Variants in SGK1 observed in about 807,000 individuals in gnomAD.
SGK1 encodes serum/glucocorticoid regulated kinase 1.
Under a neutral mutation model 64.2 loss-of-function variants are expected in SGK1, and 26 were observed. The ratio of observed to expected loss-of-function variants is 0.40; its 90% CI spans 0.30 to 0.56. SGK1 has a LOEUF of 0.56. Ranked by LOEUF, SGK1 falls within the 20% of genes least tolerant of loss-of-function variation. The probability of loss-of-function intolerance (pLI) is 0.38; values close to 1 mark genes in which losing one functional copy is unlikely to be tolerated. For missense variants in SGK1, 519 were observed against 645.6 expected (o/e 0.80, Z 2.12); for synonymous variants, 265 against 239.7 (o/e 1.11, Z -0.98).
chr6:134,233,406 G>GA (rs1776319323), intron 2 of SGK1, among the ~76,000 whole-genome samples: 1 of 152,130 alleles, frequency 6.6e-6, no homozygotes, highest in African/African-American at 2.4e-5. Flanking sequence ...TCCCTTCTGA[G>GA]GATTCTCCTT....
chr6:134,170,409 A>C lies in SGK1; in HGVS notation c.1440T>G (p.Phe480Leu). The change falls in exon 14 of 14, where the codon TTT becomes TTG. Residue 480 changes from phenylalanine (F) to leucine (L), a missense_variant. By Grantham distance (22) the Phe-to-Leu change is conservative. Around this residue, in one of 2 missense-constraint regions of SGK1, gnomAD observed 278 missense variants for 408.7 expected, o/e 0.68. Transcript: ENST00000367858. ...CAGGCTCTTCGGTAAACTCGGGGTC[A>C]AAGTGCCGTAGGTCGTTGGGCCCAC... ...NVSGPNDLRH[F>L]DPEFTEEPVP... 1 of 1,613,760 alleles carries C rather than the reference A, an allele frequency of 6.2e-7. No individual in the cohort carries two copies. The highest frequency in any genetic ancestry group is 8.5e-7 in the Non-Finnish European group (1 of 1,179,714).
chr6:134,252,530 T>C lies in SGK1; in HGVS notation c.285+9403A>G, dbSNP rs552870740. ...AAGAAACAAATCTGGTTCATTTTTG[T>C]AAATTTAACAACCGAGACTCAGATT... On this transcript the variant is annotated intron_variant, in intron 2 of 13. Coordinates refer to ENST00000367858, the MANE Select transcript of SGK1 (RefSeq NM_001143676.3). Among the ~76,000 whole-genome samples, 4 of 131,522 alleles carry C rather than the reference T, an allele frequency of 3.0e-5. No individual in the cohort carries two copies. In the Admixed American group the frequency reaches 3.7e-4, roughly 12 times the overall value. The allele number at this position is 131,522 out of a possible 152,430, so 86.3% of individuals were successfully genotyped here. A position where few individuals can be genotyped will look rare whatever the true frequency, so the allele number is the denominator to read the frequency against.
intron 2 of SGK1, among the ~76,000 whole-genome samples, chr6:134,249,050 T>C (rs1334766721): frequency 6.6e-6 from 1 of 152,196 alleles, no homozygotes; most frequent in Non-Finnish European, 1.5e-5. Context: ...GAGTTAATAT[T>C]ATGCTTTCCC....
intron 1 of SGK1, chr6:134,297,377 G>T (rs1244617117): frequency 1.2e-5 from 10 of 846,680 alleles, no homozygotes; most frequent in Non-Finnish European, 1.8e-5. Flanking sequence ...GCTTGGCGTT[G>T]GCATCCTTAA....
intron 2 of SGK1, among the ~76,000 whole-genome samples, chr6:134,221,431 C>T (rs1320203681): frequency 6.6e-6 from 1 of 152,186 alleles, no homozygotes; most frequent in Non-Finnish European, 1.5e-5. Flanking sequence ...ATGTTCTTTG[C>T]CTAGCCTTCC....
intron 1 of SGK1, among the ~76,000 whole-genome samples, chr6:134,267,901 T>C (rs1260612434): frequency 1.3e-5 from 2 of 152,210 alleles, no homozygotes; most frequent in Non-Finnish European, 2.9e-5. Flanking sequence ...TAAAAAGGTT[T>C]TGTCTCCATT....
rs545897333 is a variant in SGK1, at chr6:134,254,378, A to G, written c.285+7555T>C. Among the ~76,000 whole-genome samples, 16 of 152,072 alleles carry G rather than the reference A, an allele frequency of 1.1e-4. No homozygotes were observed. The East Asian group carries it at 3.1e-3, about 29-fold the overall frequency. Reference sequence around the variant, plus strand: ...TGGGAGCATAAATATTGTGTTTTCCATTTTCCTCCAAGTGCCTTTATTTGT... The same window carrying G: ...TGGGAGCATAAATATTGTGTTTTCCGTTTTCCTCCAAGTGCCTTTATTTGT... On this transcript the variant is annotated intron_variant, in intron 2 of 13. Coordinates refer to ENST00000367858, the MANE Select transcript of SGK1 (RefSeq NM_001143676.3).
chr6:134,291,338 C>G (rs528545580), intron 1 of SGK1, among the ~76,000 whole-genome samples: 1 of 152,058 alleles, frequency 6.6e-6, no homozygotes, highest in Non-Finnish European at 1.5e-5. Context: ...CCCAACAGAC[C>G]GGACTAAAAA....
intron 2 of SGK1, among the ~76,000 whole-genome samples, chr6:134,234,577 G>A (rs564695252): frequency 1.0e-3 from 153 of 152,108 alleles, no homozygotes; most frequent in African/African-American, 3.3e-3. Flanking sequence ...TGGAATTCAC[G>A]TTTAAAGACT....
rs917168890 is a variant in SGK1, at chr6:134,269,113, T to C, written c.70-6965A>G. Among the ~76,000 whole-genome samples the C allele has an allele frequency of 2.0e-5, 3 of 147,504 alleles. No homozygotes were observed. In the Admixed American group the frequency reaches 2.1e-4, roughly 10 times the overall value. ...TAATTTAAAATAGTTTAGCTGATAA[T>C]GATATCAACCGATACAGGAAAATTA... On this transcript the variant is annotated intron_variant, in intron 1 of 13. Transcript: ENST00000367858.
At chr6:134,298,843 C>A in intron 1 of SGK1, 1 of 245,296 alleles carries the variant, frequency 4.1e-6, no homozygotes, top group East Asian at 7.2e-5. Context: ...CTCCGTCGCC[C>A]AGGCTGGAGT....
chr6:134,206,485 A>T (rs1463412491), intron 3 of SGK1, among the ~76,000 whole-genome samples: 1 of 148,994 alleles, frequency 6.7e-6, no homozygotes, highest in Non-Finnish European at 1.5e-5. Flanking sequence ...ATGAAAACCC[A>T]ATCATCACAC....
intron 1 of SGK1, among the ~76,000 whole-genome samples, chr6:134,271,328 T>C (rs565596409): frequency 1.5e-5 from 2 of 130,630 alleles, no homozygotes; most frequent in African/African-American, 5.0e-5. Flanking sequence ...AAAAAAAAAT[T>C]GTGGGACTCA....
chr6:134,285,648 T>G (rs1465431769), intron 1 of SGK1, among the ~76,000 whole-genome samples: 1 of 152,078 alleles, frequency 6.6e-6, no homozygotes, highest in Non-Finnish European at 1.5e-5. Flanking sequence ...ATTTTTTTCA[T>G]ATGTTTGCTG....
intron 1 of SGK1, among the ~76,000 whole-genome samples, chr6:134,281,719 G>A: frequency 6.6e-6 from 1 of 151,862 alleles, no homozygotes; most frequent in East Asian, 1.9e-4. Context: ...GTCTCACTAT[G>A]TTGCCCAGGG....
rs147657480 is a variant in SGK1, at chr6:134,262,124, T to C, written c.94A>G (p.Met32Val). The change falls in exon 2 of 14, where the codon ATG becomes GTG. Residue 32 changes from methionine (M) to valine (V), a missense_variant. By Grantham distance (21) the Met-to-Val change is conservative. Transcript: ENST00000367858. ...KRVRRWIKSP[M>V]VSVDKHQSPS... ...CTCTGATGCTTGTCCACACTGACCA[T>C]TGGGCTCTTGATCCACCTTCGTACC... 17,772 of 1,593,100 alleles carry C rather than the reference T, an allele frequency of 0.011. 146 individuals carry two copies. The highest frequency in any genetic ancestry group is 0.025 in the Admixed American group (1,418 of 57,738).
intron 2 of SGK1, among the ~76,000 whole-genome samples, chr6:134,228,982 T>C (rs1476644016): frequency 6.6e-6 from 1 of 152,196 alleles, no homozygotes; most frequent in Non-Finnish European, 1.5e-5. Context: ...TAGCTGGGAC[T>C]ACTGGCGCCC....
chr6:134,200,930 C>G (rs1308900049), intron 3 of SGK1, among the ~76,000 whole-genome samples: 1 of 151,852 alleles, frequency 6.6e-6, no homozygotes, highest in African/African-American at 2.4e-5. Flanking sequence ...ACAGATTACA[C>G]ACTACATTAA....
chr6:134,283,844 C>T (rs1351069374), intron 1 of SGK1, among the ~76,000 whole-genome samples: 8 of 100,348 alleles, frequency 8.0e-5, no homozygotes, highest in African/African-American at 2.7e-4. Flanking sequence ...GCCTGGGCAA[C>T]AGAACAAGAC....
Sources: allele counts gnomAD v4.1 joint callset (sites outside exome capture counted in the v4.1 genomes callset), GRCh38; gene constraint gnomAD v4.1.1; regional missense constraint gnomAD v4.1.1; transcripts MANE v1.5; gene names NCBI Gene and HGNC (gene_info 2026-07-23, HGNC 2026-07-21).